The following STX8 variants were observed in gnomAD, a reference collection of about 807,000 sequenced individuals.
STX8 encodes syntaxin 8.
A neutral mutation model predicts 37.5 loss-of-function variants in STX8; 23 were observed. That is an observed-to-expected ratio of 0.61 (90% CI 0.44 to 0.87). The LOEUF (loss-of-function observed/expected upper bound fraction) is 0.87. STX8 is among the 40% of genes least tolerant of loss of function. The pLI, the probability that STX8 is intolerant of heterozygous loss-of-function variation, is 0.00. For synonymous variants in STX8, 115 were observed against 99.1 expected (o/e 1.16, Z -0.95); for missense variants, 313 against 284.7 (o/e 1.10, Z -0.71).
intron 6 of STX8, among the ~76,000 whole-genome samples, chr17:9,429,481 A>T (rs1224998783): frequency 3.5e-5 from 5 of 144,440 alleles, no homozygotes; most frequent in Non-Finnish European, 7.5e-5. Flanking sequence ...AGGCAGGCGG[A>T]TCATGAGGTC....
intron 6 of STX8, among the ~76,000 whole-genome samples, chr17:9,411,944 T>C (rs1321667543): frequency 6.6e-6 from 1 of 152,166 alleles, no homozygotes; most frequent in African/African-American, 2.4e-5. Flanking sequence ...TCTAAAAATG[T>C]TGGAAGTCAC....
intron 7 of STX8, among the ~76,000 whole-genome samples, chr17:9,356,557 C>T (rs1910885856): frequency 6.6e-6 from 1 of 152,180 alleles, no homozygotes; most frequent in East Asian, 1.9e-4. Flanking sequence ...TTCCCAGGCT[C>T]CCCTGCCAGC....
chr17:9,361,798 A>T (rs555636058), intron 7 of STX8, among the ~76,000 whole-genome samples: 1 of 152,306 alleles, frequency 6.6e-6, no homozygotes, highest in East Asian at 1.9e-4. Flanking sequence ...CAGAGTGGCA[A>T]GCACCAGAAA....
rs904500174 is a variant in STX8 at position 9,311,434 on chromosome 17, T to C, written c.644-60789A>G. ...TTTCACTAAAAAAACTTGGTGTATA[T>C]ATTAATGAAGAACTGCTTTTAGAAA... On this transcript the variant is annotated intron_variant, in intron 7 of 7. Transcript: ENST00000306357. Among the ~76,000 whole-genome samples the C allele has an allele frequency of 9.8e-5, 15 of 152,324 alleles. 1 individual carries two copies. The highest frequency in any genetic ancestry group is 3.4e-4 in the African/African-American group (14 of 41,586).
At chr17:9,366,132 C>T (rs923044066) in intron 7 of STX8, among the ~76,000 whole-genome samples, 5 of 152,246 alleles carry the variant, frequency 3.3e-5, no homozygotes, top group Non-Finnish European at 7.3e-5. Context: ...CCCAGCCAGA[C>T]AGGCTATGTC....
intron 6 of STX8, among the ~76,000 whole-genome samples, chr17:9,408,162 G>A (rs1174592324): frequency 6.6e-6 from 1 of 152,148 alleles, no homozygotes; most frequent in Non-Finnish European, 1.5e-5. Flanking sequence ...TGACTCCCCA[G>A]ACCCCTTATA....
chr17:9,253,207 G>GGTAGGGGTGTGTGTGT (rs1906654524), intron 7 of STX8, among the ~76,000 whole-genome samples: 1 of 140,940 alleles, frequency 7.1e-6, no homozygotes, highest in Non-Finnish European at 1.5e-5. Context: ...CAGGGGTAGG[G>GGTAGGGGTGTGTGTGT]GTGTGTGTGT....
chr17:9,498,005 C>T (rs1323004427), intron 5 of STX8, among the ~76,000 whole-genome samples: 1 of 152,140 alleles, frequency 6.6e-6, no homozygotes, highest in Non-Finnish European at 1.5e-5. Flanking sequence ...GTTGTGTTGT[C>T]CAGTGCCCAC....
chr17:9,376,596 C>G (rs1473231958), intron 7 of STX8, among the ~76,000 whole-genome samples: 1 of 152,210 alleles, frequency 6.6e-6, no homozygotes, highest in African/African-American at 2.4e-5. Flanking sequence ...AAGCTTTGTT[C>G]TTTCACTGTT....
At chr17:9,473,443 T>C (rs1295821463) in intron 6 of STX8, among the ~76,000 whole-genome samples, 1 of 152,160 alleles carries the variant, frequency 6.6e-6, no homozygotes, top group Non-Finnish European at 1.5e-5. Flanking sequence ...ACCCCTTCCA[T>C]ATACAAAATC....
chr17:9,490,081 T>C (rs903312401), intron 6 of STX8, among the ~76,000 whole-genome samples: 5 of 152,192 alleles, frequency 3.3e-5, no homozygotes, highest in African/African-American at 1.2e-4. Flanking sequence ...CCTGTTCGTG[T>C]TGGTACCATC....
chr17:9,256,187 G>A (rs1220291482), intron 7 of STX8, among the ~76,000 whole-genome samples: 2 of 152,222 alleles, frequency 1.3e-5, no homozygotes, highest in Non-Finnish European at 2.9e-5. Context: ...AGGCCCTCTG[G>A]CGGGTAAGAG....
At chr17:9,411,840 T>G (rs139724564) in intron 6 of STX8, among the ~76,000 whole-genome samples, 2,320 of 152,240 alleles carry the variant, frequency 0.015, 69 homozygotes, top group African/African-American at 0.053. Flanking sequence ...AGAAGCAACC[T>G]AATATATAGA....
At chr17:9,282,641 T>A (rs1429560220) in intron 7 of STX8, among the ~76,000 whole-genome samples, 1 of 152,226 alleles carries the variant, frequency 6.6e-6, no homozygotes. Flanking sequence ...TTAAAACTGC[T>A]GGCATCATCT....
At chr17:9,399,921 C>T (rs572423694) in intron 6 of STX8, among the ~76,000 whole-genome samples, 1 of 150,768 alleles carries the variant, frequency 6.6e-6, no homozygotes, top group East Asian at 1.9e-4. Flanking sequence ...AAGTTTACTC[C>T]ATAAGTGTCT....
At chr17:9,368,763 T>C (rs900026413) in intron 7 of STX8, among the ~76,000 whole-genome samples, 4 of 152,154 alleles carry the variant, frequency 2.6e-5, no homozygotes, top group Non-Finnish European at 5.9e-5. Flanking sequence ...AAGCAGCTTG[T>C]CTTACTAATT....
intron 6 of STX8, among the ~76,000 whole-genome samples, chr17:9,413,766 G>A (rs953905630): frequency 2.6e-5 from 4 of 152,176 alleles, no homozygotes; most frequent in Non-Finnish European, 5.9e-5. Flanking sequence ...GTAACTGTGA[G>A]AAGCTGACTG....
chr17:9,331,559 G>A (rs1374209644), intron 7 of STX8, among the ~76,000 whole-genome samples: 4 of 152,188 alleles, frequency 2.6e-5, no homozygotes, highest in Non-Finnish European at 5.9e-5. Flanking sequence ...CGGGTGTCCT[G>A]CAGGGAAAAT....
chr17:9,457,420 C>T (rs971976366), intron 6 of STX8, among the ~76,000 whole-genome samples: 5 of 152,232 alleles, frequency 3.3e-5, no homozygotes, highest in Non-Finnish European at 5.9e-5. Context: ...CATCACATCA[C>T]TCTAACACTG....
Sources: gnomAD v4.1 joint callset for allele counts (sites outside exome capture counted in the v4.1 genomes callset) on GRCh38, gnomAD v4.1.1 for gene constraint, MANE v1.5 for transcripts, NCBI Gene and HGNC (gene_info 2026-07-23, HGNC 2026-07-21) for gene names.